The following EPB41L4A variants were observed in gnomAD, a reference collection of about 807,000 sequenced individuals.
EPB41L4A encodes erythrocyte membrane protein band 4.1 like 4A.
Under a neutral mutation model 108.6 loss-of-function variants are expected in EPB41L4A, and 100 were observed. That is an observed-to-expected ratio of 0.92 (90% confidence interval 0.78 to 1.09). The LOEUF (loss-of-function observed/expected upper bound fraction) is 1.09, where lower values mean the gene tolerates loss of function less well. EPB41L4A is among the 50% of genes least tolerant of loss of function. The probability of loss-of-function intolerance (pLI) is 0.00; values close to 1 mark genes in which losing one functional copy is unlikely to be tolerated. For missense variants in EPB41L4A, 1,030 were observed against 842.7 expected (o/e 1.22, Z -2.75); for synonymous variants, 319 against 289.0 (o/e 1.10, Z -1.05).
At chr5:112,338,936 T>C (rs1757088809) in intron 1 of EPB41L4A, among the ~76,000 whole-genome samples, 1 of 152,208 alleles carries the variant, frequency 6.6e-6, no homozygotes, top group African/African-American at 2.4e-5. Context: ...CTCTGTCTCC[T>C]GCTGTGCTCA....
intron 1 of EPB41L4A, among the ~76,000 whole-genome samples, chr5:112,362,440 C>T (rs192387338): frequency 7.8e-4 from 118 of 152,194 alleles, no homozygotes; most frequent in Non-Finnish European, 1.1e-3. Flanking sequence ...GCTGCTGCGC[C>T]AAGATAATTT....
intron 6 of EPB41L4A, among the ~76,000 whole-genome samples, chr5:112,263,095 G>A (rs1751608188): frequency 6.6e-6 from 1 of 152,170 alleles, no homozygotes; most frequent in African/African-American, 2.4e-5. Flanking sequence ...TGTAAAAAAT[G>A]CTTGTCATTT....
chr5:112,359,634 G>A (rs1217799233), intron 1 of EPB41L4A, among the ~76,000 whole-genome samples: 6 of 151,460 alleles, frequency 4.0e-5, no homozygotes, highest in Non-Finnish European at 7.4e-5. Context: ...TCCGCCTCCC[G>A]GGTTCACACC....
intron 11 of EPB41L4A, among the ~76,000 whole-genome samples, chr5:112,238,476 TA>T (rs1749523620): frequency 6.6e-6 from 1 of 152,366 alleles, no homozygotes; most frequent in African/African-American, 2.4e-5. Flanking sequence ...TAATATTCAT[TA>T]CTCTTTTACT....
chr5:112,246,965 G>A (rs1428926547), intron 9 of EPB41L4A, among the ~76,000 whole-genome samples: 1 of 152,130 alleles, frequency 6.6e-6, no homozygotes, highest in Admixed American at 6.5e-5. Context: ...CTTAACTTTA[G>A]CAAATAAATC....
intron 9 of EPB41L4A, among the ~76,000 whole-genome samples, chr5:112,243,634 A>G (rs1749982212): frequency 6.6e-6 from 1 of 152,190 alleles, no homozygotes; most frequent in South Asian, 2.1e-4. Context: ...AATCTTAGCT[A>G]GATCTTCTGG....
chr5:112,216,178 T>A (rs964444765), intron 12 of EPB41L4A, among the ~76,000 whole-genome samples: 1 of 152,240 alleles, frequency 6.6e-6, no homozygotes. Context: ...TTTCCCAGGA[T>A]CTATTTAGCT....
chr5:112,210,020 A>C (rs753223025), intron 12 of EPB41L4A, 38 bp from the exon 13 acceptor site: 3 of 1,213,426 alleles, frequency 2.5e-6, no homozygotes, highest in Admixed American at 2.0e-5. Context: ...AAGAGAGAGG[A>C]AACAGTGATA....
At chr5:112,402,374 A>G (rs1351697578) in intron 1 of EPB41L4A, among the ~76,000 whole-genome samples, 1 of 151,978 alleles carries the variant, frequency 6.6e-6, no homozygotes, top group Non-Finnish European at 1.5e-5. Flanking sequence ...ATGCAAGAAC[A>G]GACTAATACA....
At chr5:112,230,000 A>AG (rs1192343597) in intron 12 of EPB41L4A, among the ~76,000 whole-genome samples, 3 of 152,094 alleles carry the variant, frequency 2.0e-5, no homozygotes, top group Non-Finnish European at 1.5e-5. Flanking sequence ...AAAAAAAAAA[A>AG]AAAAGAATAA....
At chr5:112,191,104 A>G (rs1006252453) in intron 17 of EPB41L4A, among the ~76,000 whole-genome samples, 1 of 152,244 alleles carries the variant, frequency 6.6e-6, no homozygotes, top group Non-Finnish European at 1.5e-5. Context: ...GTGAAAAATT[A>G]TCATCTCAAA....
downstream of EPB41L4A, among the ~76,000 whole-genome samples, chr5:112,159,227 T>G (rs1476545467): frequency 6.6e-6 from 1 of 152,202 alleles, no homozygotes; most frequent in Non-Finnish European, 1.5e-5. Context: ...CTGTATTTAA[T>G]GTATATAACT....
At chr5:112,379,007 G>A (rs900139218) in intron 1 of EPB41L4A, among the ~76,000 whole-genome samples, 6 of 152,102 alleles carry the variant, frequency 3.9e-5, no homozygotes, top group Non-Finnish European at 8.8e-5. Flanking sequence ...GTCTATGAGC[G>A]TGCAGGGGTG....
intron 1 of EPB41L4A, 60 bp from the exon 2 acceptor site, chr5:112,307,550 A>G: frequency 9.2e-7 from 1 of 1,084,558 alleles, no homozygotes; most frequent in African/African-American, 1.5e-5. Flanking sequence ...AGTAGTACAC[A>G]GTCATGGTTC....
At chr5:112,368,324 C>A (rs1005397405) in intron 1 of EPB41L4A, among the ~76,000 whole-genome samples, 31 of 152,108 alleles carry the variant, frequency 2.0e-4, no homozygotes, top group African/African-American at 7.5e-4. Flanking sequence ...ATTCTTTCCA[C>A]CGTATGTGTG....
In EPB41L4A at chr5:112,215,768, A is replaced by AAC. The variant is rs1554079170; in HGVS notation, c.1088-5787_1088-5786insGT. Among the ~76,000 whole-genome samples, 7 of 148,620 alleles carry AAC rather than the reference A, an allele frequency of 4.7e-5. No homozygotes were observed. The East Asian group carries it at 8.0e-4, about 17-fold the overall frequency. The stretch of plus-strand genomic sequence containing the variant: ...ACAGAGTGAGACTCCATCTCAAAAA[A>AAC]AAAAAAAAACAAAAAAAACAAAAAA... On this transcript the variant is annotated intron_variant, in intron 12 of 22. Transcript: ENST00000261486.
chr5:112,374,547 ATT>A (rs1395778378), intron 1 of EPB41L4A, among the ~76,000 whole-genome samples: 1 of 152,186 alleles, frequency 6.6e-6, no homozygotes, highest in Non-Finnish European at 1.5e-5. Context: ...ACTCAGCAAT[ATT>A]TTGCCTTCCA....
In EPB41L4A at chr5:112,368,913, T is replaced by A. The variant is rs367966287; in HGVS notation, c.99+50028A>T. Among the ~76,000 whole-genome samples, 17 of 152,184 alleles carry A rather than the reference T, an allele frequency of 1.1e-4. No individual in the cohort carries two copies. In the East Asian group the frequency reaches 1.4e-3, roughly 12 times the overall value. On this transcript the variant is annotated intron_variant, in intron 1 of 22. Transcript: ENST00000261486. ...GCCTTCTCACTCCTCTGTCTCCAAT[T>A]CTCGTCCACTCCCACAACCCTCCAG... is the stretch of plus-strand genomic sequence containing the variant.
chr5:112,184,181 C>T (rs200684253), intron 17 of EPB41L4A, 46 bp from the exon 18 acceptor site: 36 of 1,602,528 alleles, frequency 2.2e-5, no homozygotes, highest in African/African-American at 1.6e-4. Context: ...ACATGGATGG[C>T]GCGTTTTAGG....
Sources: allele counts gnomAD v4.1 joint callset (sites outside exome capture counted in the v4.1 genomes callset), GRCh38; gene constraint gnomAD v4.1.1; transcripts MANE v1.5; gene names NCBI Gene and HGNC (gene_info 2026-07-23, HGNC 2026-07-21).